The following ZNRF2 variants were observed in gnomAD, a reference collection of about 807,000 sequenced individuals.
The protein encoded by ZNRF2 is E3 ubiquitin-protein ligase ZNRF2.
ZNRF2 carries 16 observed loss-of-function variants against 20.4 expected under a neutral mutation model. The observed-to-expected ratio is 0.79, with a 90% CI of 0.53 to 1.19. ZNRF2 has a LOEUF of 1.19. Among genes scored for constraint, ZNRF2 ranks in the 50% most tolerant of loss-of-function variants. The pLI is 0.00. For synonymous variants in ZNRF2, 178 were observed against 144.9 expected (o/e 1.23, Z -1.64); for missense variants, 363 against 332.4 (o/e 1.09, Z -0.72).
chr7:30,346,543 C>G (rs1315286142), intron 2 of ZNRF2, among the ~76,000 whole-genome samples: 7 of 151,960 alleles, frequency 4.6e-5, no homozygotes, highest in Non-Finnish European at 1.0e-4. Flanking sequence ...CTGGCTTTGT[C>G]TCACTATTTT....
chr7:30,335,817 A>G (rs1799707847), intron 2 of ZNRF2, among the ~76,000 whole-genome samples: 2 of 152,200 alleles, frequency 1.3e-5, no homozygotes, highest in African/African-American at 4.8e-5. Flanking sequence ...TTTGTAAGGA[A>G]AAGAATTTGT....
chr7:30,350,762 G>A (rs112523287), intron 2 of ZNRF2, among the ~76,000 whole-genome samples: 1,555 of 151,928 alleles, frequency 0.01, 32 homozygotes, highest in African/African-American at 0.036. Context: ...TTTTTCTAGG[G>A]ATTATTTCAC....
At chr7:30,361,511 T>C (rs1166304301) in intron 3 of ZNRF2, among the ~76,000 whole-genome samples, 10 of 152,212 alleles carry the variant, frequency 6.6e-5, no homozygotes, top group African/African-American at 1.9e-4. Context: ...GTTGAACAGG[T>C]TGAATCCTGC....
intron 1 of ZNRF2, among the ~76,000 whole-genome samples, chr7:30,313,780 G>T (rs745798773): frequency 5.8e-4 from 88 of 152,088 alleles, no homozygotes; most frequent in Non-Finnish European, 1.1e-3. Context: ...TCTGTCTTGT[G>T]ATCATTCTGT....
chr7:30,296,890 G>C (rs182378280), intron 1 of ZNRF2, among the ~76,000 whole-genome samples: 4 of 152,254 alleles, frequency 2.6e-5, no homozygotes, highest in African/African-American at 9.6e-5. Flanking sequence ...TCTCTTTTGA[G>C]CCTATGTCAT....
chr7:30,290,664 C>T (rs1798884123), intron 1 of ZNRF2, among the ~76,000 whole-genome samples: 1 of 152,136 alleles, frequency 6.6e-6, no homozygotes, highest in Admixed American at 6.5e-5. Context: ...AGTTCACGTG[C>T]AAGGGGAGGG....
At chr7:30,322,631 C>A (rs1799489345) in intron 1 of ZNRF2, among the ~76,000 whole-genome samples, 1 of 151,136 alleles carries the variant, frequency 6.6e-6, no homozygotes, top group African/African-American at 2.4e-5. Context: ...TACTGCTGGC[C>A]AATATAGTCT....
intron 2 of ZNRF2, among the ~76,000 whole-genome samples, chr7:30,324,382 A>C (rs1045594009): frequency 4.6e-5 from 7 of 151,506 alleles, no homozygotes; most frequent in African/African-American, 1.5e-4. Flanking sequence ...AAAAGAAAAA[A>C]AAAAAGAAAA....
At position 30,362,442 on chromosome 7, in the gene ZNRF2, C is replaced by A; in HGVS notation, c.*8C>A. 6.3e-7 allele frequency: 1 copy of A among 1,594,506 alleles called. No individual in the cohort carries two copies. Among genetic ancestry groups the A allele is most frequent in the Non-Finnish European group, 8.6e-7 (1 of 1,167,846 alleles). On this transcript the variant is annotated 3_prime_UTR_variant, in exon 4 of 5. Transcript: ENST00000323037. ...GAGCACCCTTCAGATTAAGCGTCAG[C>A]TTCCTGTTTTATAGGTAATTTTTTT...
intron 2 of ZNRF2, among the ~76,000 whole-genome samples, chr7:30,343,811 T>G (rs1799835033): frequency 6.6e-6 from 1 of 151,964 alleles, no homozygotes; most frequent in Non-Finnish European, 1.5e-5. Flanking sequence ...TTGTTTTTGT[T>G]GGTTTAGCCC....
At chr7:30,301,841 G>GC (rs1799122252) in intron 1 of ZNRF2, among the ~76,000 whole-genome samples, 1 of 152,124 alleles carries the variant, frequency 6.6e-6, no homozygotes, top group East Asian at 1.9e-4. Flanking sequence ...GTAGCCTGGA[G>GC]CAGGGTCCTC....
At chr7:30,296,044 T>C (rs558968942) in intron 1 of ZNRF2, among the ~76,000 whole-genome samples, 1 of 152,342 alleles carries the variant, frequency 6.6e-6, no homozygotes, top group African/African-American at 2.4e-5. Context: ...AAACACATGG[T>C]AAAAACTTTG....
Position 30,361,445 on chromosome 7 carries a change from C to A in ZNRF2, c.672-932C>A, listed in dbSNP as rs1800125041. Among the ~76,000 whole-genome samples the A allele has an allele frequency of 3.3e-5, 5 of 152,190 alleles. 1 individual carries two copies. In the South Asian group the frequency reaches 1.0e-3, roughly 31 times the overall value. On this transcript the variant is annotated intron_variant, in intron 3 of 4. Coordinates refer to ENST00000323037, the MANE Select transcript of ZNRF2 (RefSeq NM_147128.4). ...TTAATTTTGCCCTTCAGTATATTAA[C>A]CAAGTCTTGTAGCTTTGCGGCATAT... is the stretch of plus-strand genomic sequence containing the variant.
intron 2 of ZNRF2, among the ~76,000 whole-genome samples, chr7:30,331,864 G>A (rs758886921): frequency 6.6e-6 from 1 of 152,098 alleles, no homozygotes; most frequent in Non-Finnish European, 1.5e-5. Flanking sequence ...CTTGTTTTAT[G>A]GAGTAATTTG....
intron 1 of ZNRF2, among the ~76,000 whole-genome samples, chr7:30,313,254 G>A (rs1799318183): frequency 1.3e-5 from 2 of 152,164 alleles, no homozygotes. Context: ...ATAAACAGTA[G>A]CCATAGAGGC....
chr7:30,339,858 A>G (rs1473288101), intron 2 of ZNRF2, among the ~76,000 whole-genome samples: 12 of 152,206 alleles, frequency 7.9e-5, no homozygotes, highest in Non-Finnish European at 1.8e-4. Context: ...TTTGGGTAGT[A>G]TGACCATTTT....
intron 2 of ZNRF2, among the ~76,000 whole-genome samples, chr7:30,327,932 A>C (rs1199780780): frequency 1.3e-5 from 2 of 152,188 alleles, no homozygotes; most frequent in Non-Finnish European, 2.9e-5. Context: ...CATTCACAGC[A>C]AGAAGCAAAT....
chr7:30,289,673 A>G, intron 1 of ZNRF2: 1 of 445,800 alleles, frequency 2.2e-6, no homozygotes, highest in Middle Eastern at 4.0e-4. Flanking sequence ...GGCCTGTGTC[A>G]TGGAAGTTTC....
At chr7:30,362,299 A>T in intron 3 of ZNRF2, 78 bp from the exon 4 acceptor site, 1 of 956,172 alleles carries the variant, frequency 1.0e-6, no homozygotes, top group Non-Finnish European at 1.5e-6. Flanking sequence ...TATTAAAGTC[A>T]AGTATTTTTA....
Sources: gnomAD v4.1 joint callset for allele counts (sites outside exome capture counted in the v4.1 genomes callset) on GRCh38, gnomAD v4.1.1 for gene constraint, MANE v1.5 for transcripts, NCBI Gene and HGNC (gene_info 2026-07-23, HGNC 2026-07-21) for gene names.